Variants in TMEM167A observed in about 807,000 individuals in gnomAD.
TMEM167A encodes the protein protein kish-A.
Under a neutral mutation model 11.6 loss-of-function variants are expected in TMEM167A, and 8 were observed. That is an observed-to-expected ratio of 0.69 (90% CI 0.40 to 1.24). The LOEUF (loss-of-function observed/expected upper bound fraction) is 1.24. TMEM167A is among the 50% of genes most tolerant of loss of function. The pLI is 0.01. For missense variants in TMEM167A, 62 were observed against 87.0 expected, an observed-to-expected ratio of 0.71 and a Z score of 1.14; for synonymous variants, 22 against 28.0, an observed-to-expected ratio of 0.79 and a Z score of 0.67.
At chr5:83,068,533 C>T (rs1481825236) in intron 1 of TMEM167A, among the ~76,000 whole-genome samples, 3 of 151,936 alleles carry the variant, frequency 2.0e-5, no homozygotes, top group Non-Finnish European at 4.4e-5. Context: ...ACAAAAAATG[C>T]CATTTTTGTA....
Position 83,077,304 on chromosome 5 carries a change from G to C in TMEM167A, c.3+17C>G. The C allele has an allele frequency of 4.3e-6, 7 of 1,614,182 alleles. No homozygotes were observed. The highest frequency in any genetic ancestry group is 2.2e-5 in the East Asian group (1 of 44,864). ...CTTCTCGAAGATCAACCGCGACCTG[G>C]GAGCCCCACTTCTTACCATAGCGAG... On this transcript the variant is annotated intron_variant, in intron 1 of 3. Transcript: ENST00000502346.
Position 83,056,332 on chromosome 5 carries a change from T to C in TMEM167A, c.*752A>G, listed in dbSNP as rs936318285. The stretch of plus-strand genomic sequence containing the variant: ...ATTATTTTATAATTGTTCTTTTCAT[T>C]CTAAGAACGTTGTGTTTTTCAGAGA... On this transcript the variant is annotated 3_prime_UTR_variant, in exon 4 of 4. Transcript: ENST00000502346. 2 of 152,046 alleles carry C rather than the reference T, an allele frequency of 1.3e-5. No homozygotes were observed. The highest frequency in any genetic ancestry group is 4.8e-5 in the African/African-American group (2 of 41,432). 9.4% of individuals were successfully genotyped at this position (152,046 alleles called of 1,614,324 possible).
In TMEM167A at chr5:83,056,870, T is replaced by C; in HGVS notation, c.*214A>G. 1 of 589,598 alleles carries C rather than the reference T, an allele frequency of 1.7e-6. No individual in the cohort carries two copies. Among genetic ancestry groups the C allele is most frequent in the Non-Finnish European group, 3.0e-6 (1 of 332,576 alleles). 36.5% of individuals were successfully genotyped at this position (589,598 alleles called of 1,614,324 possible). On this transcript the variant is annotated 3_prime_UTR_variant, in exon 4 of 4. Transcript: ENST00000502346. ...GAATGTAATATTGTAGTGACAGTACTGAGGTTGATTGTTACAGACTATTAA... is the reference window on the plus strand; with the variant it reads ...GAATGTAATATTGTAGTGACAGTACCGAGGTTGATTGTTACAGACTATTAA...
Position 83,075,073 on chromosome 5 carries a change from C to T in TMEM167A, c.3+2248G>A, listed in dbSNP as rs1338399514. Among the ~76,000 whole-genome samples the T allele has an allele frequency of 2.0e-5, 3 of 152,074 alleles. No homozygotes were observed. The East Asian group carries it at 5.8e-4, about 29-fold the overall frequency. ...GCCCAGACTCTTAATGGAGTAATAA[C>T]TCCAGCTGGCACTGTGACTGTAGAG... On this transcript the variant is annotated intron_variant, in intron 1 of 3. Transcript: ENST00000502346.
chr5:83,076,000 T>A (rs1380666072), intron 1 of TMEM167A, among the ~76,000 whole-genome samples: 1 of 152,210 alleles, frequency 6.6e-6, no homozygotes, highest in Non-Finnish European at 1.5e-5. Flanking sequence ...GTCTAATTTA[T>A]GTACTTATAT....
At chr5:83,070,858 G>A (rs1174571463) in intron 1 of TMEM167A, among the ~76,000 whole-genome samples, 1 of 151,616 alleles carries the variant, frequency 6.6e-6, no homozygotes, top group Non-Finnish European at 1.5e-5. Context: ...TAAAAAAGAC[G>A]AATAAAATAC....
intron 3 of TMEM167A, among the ~76,000 whole-genome samples, chr5:83,059,767 T>C (rs1032311506): frequency 3.3e-5 from 5 of 152,058 alleles, no homozygotes; most frequent in Non-Finnish European, 5.9e-5. Flanking sequence ...TATGGACATT[T>C]TGAGCTTGAT....
rs551455332 is a variant in TMEM167A at position 83,065,063 on chromosome 5, T to G, written c.58A>C (p.Thr20Pro). ...LLTVILLLIC[T>P]CAYIRSLAPS... Reference sequence around the variant, plus strand: ...GCCAAGGATCGAATATAAGCACAGGTACATATAAGCAGCAAGATTACAGTC... The same window carrying G: ...GCCAAGGATCGAATATAAGCACAGGGACATATAAGCAGCAAGATTACAGTC... Residue 20 changes from threonine to proline, a missense_variant, in exon 2 of 4, where the codon ACC (threonine) becomes CCC (proline). By Grantham distance (38) the Thr-to-Pro change is conservative. Coordinates refer to ENST00000502346, the MANE Select transcript of TMEM167A (RefSeq NM_174909.5). 1 of 1,605,300 alleles carries G rather than the reference T, an allele frequency of 6.2e-7. No individual in the cohort carries two copies. Among genetic ancestry groups the G allele is most frequent in the African/African-American group, 1.4e-5 (1 of 73,858 alleles).
chr5:83,066,673 C>A (rs1015900154), intron 1 of TMEM167A, among the ~76,000 whole-genome samples: 5 of 152,046 alleles, frequency 3.3e-5, no homozygotes, highest in African/African-American at 1.2e-4. Flanking sequence ...GGTTTTTCAT[C>A]CCTACCAAAG....
At chr5:83,057,195 G>C (rs758866859) in intron 3 of TMEM167A, 41 bp from the exon 4 acceptor site, 2 of 1,558,808 alleles carry the variant, frequency 1.3e-6, no homozygotes, top group Admixed American at 3.3e-5. Context: ...TTAACTGAGT[G>C]GCTAACCTGG....
chr5:83,067,389 T>G (rs1744498475), intron 1 of TMEM167A, among the ~76,000 whole-genome samples: 1 of 152,242 alleles, frequency 6.6e-6, no homozygotes, highest in Non-Finnish European at 1.5e-5. Context: ...AAAGTGCTTA[T>G]GCACAATGCT....
intron 1 of TMEM167A, among the ~76,000 whole-genome samples, chr5:83,066,942 G>A (rs1744492097): frequency 1.3e-5 from 2 of 152,146 alleles, no homozygotes; most frequent in East Asian, 1.9e-4. Context: ...TCTCAGCCAT[G>A]TTGTGATGCA....
chr5:83,061,730 T>C, intron 3 of TMEM167A, 147 bp downstream of exon 3: 1 of 755,626 alleles, frequency 1.3e-6, no homozygotes, highest in South Asian at 1.7e-5. Flanking sequence ...GAAAAGAGCT[T>C]GGTACAACTT....
intron 1 of TMEM167A, among the ~76,000 whole-genome samples, chr5:83,067,314 T>C (rs1415945344): frequency 6.6e-6 from 1 of 152,104 alleles, no homozygotes; most frequent in East Asian, 1.9e-4. Context: ...TTATGATAAA[T>C]ACATGCAAAC....
At chr5:83,058,255 C>A (rs1428484692) in intron 3 of TMEM167A, among the ~76,000 whole-genome samples, 1 of 151,992 alleles carries the variant, frequency 6.6e-6, no homozygotes, top group Non-Finnish European at 1.5e-5. Flanking sequence ...CCTCACACTG[C>A]CATATTATTG....
chr5:83,073,870 C>A (rs546723374), intron 1 of TMEM167A, among the ~76,000 whole-genome samples: 1 of 152,156 alleles, frequency 6.6e-6, no homozygotes, highest in African/African-American at 2.4e-5. Context: ...ATCTTCAAAA[C>A]GATTTTCCTA....
At chr5:83,075,847 A>G (rs918638271) in intron 1 of TMEM167A, among the ~76,000 whole-genome samples, 5 of 152,188 alleles carry the variant, frequency 3.3e-5, no homozygotes, top group Non-Finnish European at 7.3e-5. Context: ...ACTCAAAGAT[A>G]CTGAGACACT....
At position 83,059,284 on chromosome 5, in the gene TMEM167A, C is replaced by G. The variant is rs988697568; in HGVS notation, c.149-2130G>C. Among the ~76,000 whole-genome samples, 17 of 151,886 alleles carry G rather than the reference C, an allele frequency of 1.1e-4. 1 individual carries two copies. The highest frequency in any genetic ancestry group is 6.6e-5 in the Admixed American group (1 of 15,230). On this transcript the variant is annotated intron_variant, in intron 3 of 3. Coordinates refer to ENST00000502346, the MANE Select transcript of TMEM167A (RefSeq NM_174909.5). The stretch of plus-strand genomic sequence containing the variant: ...ATCTTAAACTCAGCTATGTTCTTTT[C>G]AAGCAATAATTGTGAACAAAGGGGC...
chr5:83,060,873 T>C (rs1049762060), intron 3 of TMEM167A, among the ~76,000 whole-genome samples: 2 of 151,980 alleles, frequency 1.3e-5, no homozygotes, highest in Non-Finnish European at 2.9e-5. Context: ...ATAAAATACA[T>C]GTTAATTGAT....
Sources: allele counts gnomAD v4.1 joint callset (sites outside exome capture counted in the v4.1 genomes callset), GRCh38; gene constraint gnomAD v4.1.1; transcripts MANE v1.5; gene names NCBI Gene and HGNC (gene_info 2026-07-23, HGNC 2026-07-21).